DPP6: variants seen among roughly 807,000 people sequenced by gnomAD.
DPP6 encodes the protein A-type potassium channel modulatory protein DPP6.
A neutral mutation model predicts 122.6 loss-of-function variants in DPP6; 69 were observed. The ratio of observed to expected loss-of-function variants is 0.56; its 90% CI spans 0.46 to 0.69. The LOEUF (loss-of-function observed/expected upper bound fraction) is 0.69. Among genes scored for constraint, DPP6 ranks in the 30% least tolerant of loss-of-function variants. The pLI is 0.00. For missense variants in DPP6, 928 were observed against 1,116.9 expected, an observed-to-expected ratio of 0.83 and a Z score of 2.41; for synonymous variants, 418 against 433.1, an observed-to-expected ratio of 0.97 and a Z score of 0.43.
chr7:154,139,301 T>G (rs1260842533), intron 1 of DPP6, among the ~76,000 whole-genome samples: 1 of 69,216 alleles, frequency 1.4e-5, no homozygotes, highest in African/African-American at 8.6e-5. Context: ...GCCAAAGTCC[T>G]AAGAACTTGG....
chr7:154,198,879 G>A (rs1176194718), intron 1 of DPP6, among the ~76,000 whole-genome samples: 1 of 152,166 alleles, frequency 6.6e-6, no homozygotes, highest in Non-Finnish European at 1.5e-5. Context: ...AAACCCGGCT[G>A]TGTTAGTTTC....
At chr7:154,252,179 C>A (rs1306352335) in intron 1 of DPP6, among the ~76,000 whole-genome samples, 2 of 152,092 alleles carry the variant, frequency 1.3e-5, no homozygotes, top group African/African-American at 4.8e-5. Context: ...TTATTTACTT[C>A]AGCTAAATTG....
rs552267363 is a variant in DPP6 at position 154,272,859 on chromosome 7, A to G, written c.244-173355A>G. Among the ~76,000 whole-genome samples the G allele has an allele frequency of 5.9e-5, 9 of 152,302 alleles. 1 individual carries two copies. Among genetic ancestry groups the G allele is most frequent in the African/African-American group, 2.2e-4 (9 of 41,574 alleles). Reference sequence around the variant, plus strand: ...AATCTTCTGTTCACCCTCACAGCCAATCCTGAAATCCATCCTGTCTCCACA... The same window carrying G: ...AATCTTCTGTTCACCCTCACAGCCAGTCCTGAAATCCATCCTGTCTCCACA... On this transcript the variant is annotated intron_variant, in intron 1 of 25. Transcript: ENST00000377770.
At chr7:154,816,188 T>TC (rs963389271) in intron 16 of DPP6, among the ~76,000 whole-genome samples, 10 of 152,084 alleles carry the variant, frequency 6.6e-5, no homozygotes, top group African/African-American at 2.2e-4. Context: ...AGTATGGCAG[T>TC]CCCCCCTTAT....
intron 7 of DPP6, among the ~76,000 whole-genome samples, chr7:154,715,101 T>C (rs1274430212): frequency 6.6e-6 from 1 of 152,118 alleles, no homozygotes; most frequent in East Asian, 1.9e-4. Context: ...AGTTTCACTC[T>C]TGTTGCCCAG....
the DPP6 span, among the ~76,000 whole-genome samples, chr7:153,820,729 C>A: frequency 6.6e-6 from 1 of 151,690 alleles, no homozygotes; most frequent in Non-Finnish European, 1.5e-5. Context: ...CAAGTTTCTT[C>A]CAAAATGGAT....
chr7:154,356,890 A>G (rs941154151), intron 1 of DPP6, among the ~76,000 whole-genome samples: 4 of 152,172 alleles, frequency 2.6e-5, no homozygotes, highest in Non-Finnish European at 5.9e-5. Flanking sequence ...CAATTAGCGA[A>G]TTTTGTTGAA....
intron 2 of DPP6, among the ~76,000 whole-genome samples, chr7:154,454,067 G>A (rs929316358): frequency 6.6e-6 from 1 of 152,036 alleles, no homozygotes; most frequent in Admixed American, 6.6e-5. Context: ...TCTCTGTTAG[G>A]GCTCCTATAT....
chr7:154,154,793 A>G (rs1345129122), intron 1 of DPP6, among the ~76,000 whole-genome samples: 3 of 152,250 alleles, frequency 2.0e-5, no homozygotes, highest in Non-Finnish European at 4.4e-5. Flanking sequence ...GTACACACAC[A>G]CATGCATGCA....
chr7:154,531,667 TTC>T (rs1827847758), intron 3 of DPP6, among the ~76,000 whole-genome samples: 1 of 152,194 alleles, frequency 6.6e-6, no homozygotes, highest in African/African-American at 2.4e-5. Flanking sequence ...TAATTTTAAT[TTC>T]TTTATAAACC....
At chr7:154,857,175 G>GA (rs937434151) in intron 17 of DPP6, among the ~76,000 whole-genome samples, 15 of 150,754 alleles carry the variant, frequency 9.9e-5, no homozygotes, top group South Asian at 4.2e-4. Context: ...TTTTAACTTG[G>GA]AAAAAAAAAT....
At chr7:153,948,940 A>G (rs1458989404) in intron 1 of DPP6, among the ~76,000 whole-genome samples, 2 of 151,870 alleles carry the variant, frequency 1.3e-5, no homozygotes, top group Admixed American at 6.6e-5. Flanking sequence ...AATATGAAAC[A>G]AAAGACGTGT....
the DPP6 span, among the ~76,000 whole-genome samples, chr7:153,802,556 A>G: frequency 5.3e-5 from 8 of 152,008 alleles, no homozygotes; most frequent in African/African-American, 1.2e-4. Context: ...ATGACATCTG[A>G]TTACCCCTCT....
At chr7:154,060,345 C>T (rs1471663938) in intron 1 of DPP6, among the ~76,000 whole-genome samples, 277 of 109,136 alleles carry the variant, frequency 2.5e-3, no homozygotes, top group South Asian at 3.0e-3. Context: ...AGGCACCCCC[C>T]GCGAGGCAGG....
chr7:154,130,354 C>A (rs563997683), intron 1 of DPP6, among the ~76,000 whole-genome samples: 2 of 152,178 alleles, frequency 1.3e-5, no homozygotes, highest in South Asian at 4.2e-4. Context: ...CTGAAACTTG[C>A]CAGCTGTAAG....
chr7:154,267,552 C>A (rs942130867), intron 1 of DPP6, among the ~76,000 whole-genome samples: 15 of 150,924 alleles, frequency 9.9e-5, no homozygotes, highest in African/African-American at 2.7e-4. Context: ...CCCTTATAAA[C>A]ACATATACAC....
At chr7:154,561,117 T>C (rs1830397907) in intron 4 of DPP6, among the ~76,000 whole-genome samples, 1 of 152,176 alleles carries the variant, frequency 6.6e-6, no homozygotes, top group African/African-American at 2.4e-5. Flanking sequence ...AATAATTGGT[T>C]GAACCAAAAG....
At chr7:153,818,286 G>A in the DPP6 span, among the ~76,000 whole-genome samples, 33 of 152,148 alleles carry the variant, frequency 2.2e-4, 2 homozygotes, top group East Asian at 4.8e-3. Context: ...AGACAGCGGC[G>A]GTGGCAGCTG....
intron 1 of DPP6, among the ~76,000 whole-genome samples, chr7:154,312,797 C>T (rs982636061): frequency 6.6e-6 from 1 of 152,142 alleles, no homozygotes. Context: ...ATTGGTTCAA[C>T]CCTTTGAGTA....
Sources: allele counts gnomAD v4.1 joint callset (sites outside exome capture counted in the v4.1 genomes callset), GRCh38; gene constraint gnomAD v4.1.1; transcripts MANE v1.5; gene names NCBI Gene and HGNC (gene_info 2026-07-23, HGNC 2026-07-21).